The following PCDHGA8 variants were observed in gnomAD, a reference collection of about 807,000 sequenced individuals.
PCDHGA8 encodes protocadherin gamma subfamily A, 8.
In PCDHGA8, 45 loss-of-function variants were observed where a neutral mutation model predicts 59.2. That is an observed-to-expected ratio of 0.76 (90% CI 0.60 to 0.98). PCDHGA8 has a LOEUF of 0.98. Among genes scored for constraint, PCDHGA8 ranks in the 50% least tolerant of loss-of-function variants. PCDHGA8 has a pLI of 0.00. For missense variants in PCDHGA8, 1,257 were observed against 1,196.2 expected, an observed-to-expected ratio of 1.05 and a Z score of -0.75; for synonymous variants, 531 against 519.0, an observed-to-expected ratio of 1.02 and a Z score of -0.32.
intron 1 of PCDHGA8, chr5:141,399,517 G>A: frequency 1.9e-6 from 3 of 1,613,998 alleles, no homozygotes; most frequent in Non-Finnish European, 2.5e-6. Flanking sequence ...CAACCCTCCT[G>A]GGGCCTCCAT....
chr5:141,407,125 T>C (rs1367266686), intron 1 of PCDHGA8, among the ~76,000 whole-genome samples: 1 of 152,254 alleles, frequency 6.6e-6, no homozygotes, highest in Non-Finnish European at 1.5e-5. Context: ...TTCAGTTGCT[T>C]TATTTTTAAG....
At chr5:141,411,097 A>C (rs2095464397) in intron 1 of PCDHGA8, 1 of 153,002 alleles carries the variant, frequency 6.5e-6, no homozygotes, top group Non-Finnish European at 1.4e-5. Flanking sequence ...TGATCCTCCC[A>C]CCTTGGCCTC....
chr5:141,419,065 C>G (rs763008753), intron 1 of PCDHGA8: 2 of 1,613,786 alleles, frequency 1.2e-6, no homozygotes, highest in South Asian at 2.2e-5. Context: ...ATAATTACTA[C>G]AAGCTAGTAA....
At chr5:141,437,761 C>T (rs1200327020) in intron 1 of PCDHGA8, among the ~76,000 whole-genome samples, 1 of 144,680 alleles carries the variant, frequency 6.9e-6, no homozygotes, top group African/African-American at 2.6e-5. Context: ...TTTTTTGAGA[C>T]AGAGTCTCAA....
In PCDHGA8 at chr5:141,432,997, G is replaced by T. The variant is rs778828769; in HGVS notation, c.2424+37760G>T. 17 of 1,614,082 alleles carry T rather than the reference G, an allele frequency of 1.1e-5. No homozygotes were observed. The highest frequency in any genetic ancestry group is 4.5e-5 in the East Asian group (2 of 44,864). ...CGCACTTTGTGGGCGTGGACGGGGT[G>T]CAGGCTTTCCTGCAGACCTATTCCC... On this transcript the variant is annotated intron_variant, in intron 1 of 3. Transcript: ENST00000398604. The surrounding 1 kb of genome is among the most constrained non-coding windows in gnomAD (Gnocchi z 6.0).
At chr5:141,403,416 C>T in intron 1 of PCDHGA8, 1 of 1,614,034 alleles carries the variant, frequency 6.2e-7, no homozygotes, top group Non-Finnish European at 8.5e-7. Context: ...TATCCACTTC[C>T]AGAAGCTATT....
At chr5:141,503,729 G>C (rs531112359) in intron 2 of PCDHGA8, among the ~76,000 whole-genome samples, 1 of 152,190 alleles carries the variant, frequency 6.6e-6, no homozygotes, top group East Asian at 1.9e-4. Flanking sequence ...CTTTATGTTT[G>C]TTGTGATGGT....
rs748189764 is a variant in PCDHGA8 at position 141,404,578 on chromosome 5, T to G, written c.2424+9341T>G. 1.9e-6 allele frequency: 3 copies of G among 1,613,950 alleles called. No homozygotes were observed. The Admixed American group carries it at 5.0e-5, about 27-fold the overall frequency. On this transcript the variant is annotated intron_variant, in intron 1 of 3. Coordinates refer to ENST00000398604, the MANE Select transcript of PCDHGA8 (RefSeq NM_032088.2). ...CAAGTGACAGTGGAAGCCCACCACTTAGCAGCAATGTGTCATTGAGACTGT... is the reference window on the plus strand; with the variant it reads ...CAAGTGACAGTGGAAGCCCACCACTGAGCAGCAATGTGTCATTGAGACTGT...
chr5:141,445,786 C>A (rs1189294394), intron 1 of PCDHGA8, among the ~76,000 whole-genome samples: 2 of 152,018 alleles, frequency 1.3e-5, no homozygotes, highest in Non-Finnish European at 2.9e-5. Flanking sequence ...GCTAGGGAGG[C>A]TAGAAACAGA....
chr5:141,402,825 A>G, intron 1 of PCDHGA8: 1 of 1,320,620 alleles, frequency 7.6e-7, no homozygotes, highest in Non-Finnish European at 1.0e-6. Flanking sequence ...ACCTGCTCCC[A>G]GGCTGCAGCA....
Position 141,410,441 on chromosome 5 carries a change from A to T in PCDHGA8, c.2424+15204A>T. ...AGTTCCCCCCAACTACAGTGAGGGGACTTTGCCTTATTCTTATAATCTGTG... is the reference window on the plus strand; with the variant it reads ...AGTTCCCCCCAACTACAGTGAGGGGTCTTTGCCTTATTCTTATAATCTGTG... On this transcript the variant is annotated intron_variant, in intron 1 of 3. Transcript: ENST00000398604. 2 of 1,613,946 alleles carry T rather than the reference A, an allele frequency of 1.2e-6. 1 individual carries two copies. The highest frequency in any genetic ancestry group is 2.2e-5 in the South Asian group (2 of 91,074).
intron 1 of PCDHGA8, chr5:141,405,038 G>C: frequency 6.2e-7 from 1 of 1,613,964 alleles, no homozygotes; most frequent in Non-Finnish European, 8.5e-7. Context: ...CCTCGTTGTG[G>C]CTGTGGCAGT....
At chr5:141,475,902 C>T (rs1296545944) in intron 1 of PCDHGA8, 1 of 576,594 alleles carries the variant, frequency 1.7e-6, no homozygotes, top group Non-Finnish European at 3.0e-6. Context: ...GTGCCGCTGT[C>T]GGCCAATGAA....
rs775775135 is a variant in PCDHGA8 at position 141,400,234 on chromosome 5, G to GTTGCCTTGCGCCTCC, written c.2424+4998_2424+4999insTGCCTTGCGCCTCCT. The GTTGCCTTGCGCCTCC allele has an allele frequency of 3.1e-6, 5 of 1,613,868 alleles. No homozygotes were observed. In the East Asian group the frequency reaches 1.1e-4, roughly 36 times the overall value. On this transcript the variant is annotated intron_variant, in intron 1 of 3. Transcript: ENST00000398604. ...GATCTCAGTGCTCTTCCTCCTGGCC[G>GTTGCCTTGCGCCTCC]TGATTCTGGCCGTTGCCTTGCGCCT...
intron 1 of PCDHGA8, chr5:141,421,969 T>C (rs1039340340): frequency 1.2e-6 from 2 of 1,611,188 alleles, no homozygotes; most frequent in Admixed American, 1.7e-5. Flanking sequence ...ACAGTCCGTA[T>C]ATCGCGTGAG....
intron 3 of PCDHGA8, 69 bp from the exon 4 acceptor site, chr5:141,510,878 G>A (rs896348248): frequency 6.2e-7 from 1 of 1,610,438 alleles, no homozygotes; most frequent in African/African-American, 1.3e-5. Context: ...TTAACTGCTG[G>A]GGATATAAGA....
At chr5:141,403,120 C>G (rs2094357495) in intron 1 of PCDHGA8, 3 of 1,614,050 alleles carry the variant, frequency 1.9e-6, no homozygotes, top group South Asian at 2.2e-5. Context: ...CTCTGGAGCC[C>G]CGGGAGCTGG....
In PCDHGA8 at chr5:141,489,835, C is replaced by G; in HGVS notation, c.2425-4972C>G. On this transcript the variant is annotated intron_variant, in intron 1 of 3. Transcript: ENST00000398604. This position sits in a 1 kb window ranked among gnomAD's most constrained non-coding sequence, Gnocchi z 4.5. Reference sequence around the variant, plus strand: ...ATTCCCAGAGCTGGTGCTAGAGCAGCAGCTGGATCGTGAAGCCCAGGCAAG... The same window carrying G: ...ATTCCCAGAGCTGGTGCTAGAGCAGGAGCTGGATCGTGAAGCCCAGGCAAG... The G allele has an allele frequency of 6.2e-7, 1 of 1,614,164 alleles. No homozygotes were observed. Among genetic ancestry groups the G allele is most frequent in the Non-Finnish European group, 8.5e-7 (1 of 1,179,972 alleles).
intron 1 of PCDHGA8, chr5:141,419,781 G>T: frequency 6.2e-7 from 1 of 1,614,032 alleles, no homozygotes; most frequent in Non-Finnish European, 8.5e-7. Context: ...GTCCGCCAGC[G>T]CCTGCTAGTC....
Sources: gnomAD v4.1 joint callset for allele counts (sites outside exome capture counted in the v4.1 genomes callset) on GRCh38, gnomAD v4.1.1 for gene constraint, Gnocchi (gnomAD v3.1) non-coding constraint, MANE v1.5 for transcripts, NCBI Gene and HGNC (gene_info 2026-07-23, HGNC 2026-07-21) for gene names.